The following SIRT3 variants were observed in gnomAD, a reference collection of about 807,000 sequenced individuals.
The protein encoded by SIRT3 is NAD-dependent protein deacetylase sirtuin-3, mitochondrial.
A neutral mutation model predicts 33.5 loss-of-function variants in SIRT3; 26 were observed. The ratio of observed to expected loss-of-function variants is 0.78; its 90% CI spans 0.57 to 1.08. The LOEUF (loss-of-function observed/expected upper bound fraction) is 1.08, where lower values mean the gene tolerates loss of function less well. Ranked by LOEUF, SIRT3 falls within the 50% of genes least tolerant of loss-of-function variation. SIRT3 has a pLI of 0.00. For synonymous variants in SIRT3, 237 were observed against 222.1 expected, an observed-to-expected ratio of 1.07 and a Z score of -0.60; for missense variants, 585 against 530.1, an observed-to-expected ratio of 1.10 and a Z score of -1.02.
chr11:228,514 C>A (rs4758629), intron 4 of SIRT3, among the ~76,000 whole-genome samples: 11,649 of 152,168 alleles, frequency 0.077, 961 homozygotes, highest in East Asian at 0.42. Context: ...AATGCCAAGA[C>A]CACAGTTTTT....
chr11:224,812 T>G (rs1215483019), intron 4 of SIRT3, among the ~76,000 whole-genome samples: 2 of 151,718 alleles, frequency 1.3e-5, no homozygotes, highest in Non-Finnish European at 2.9e-5. Context: ...AACTTCCCTT[T>G]GCGTCAAGAT....
At chr11:234,621 T>C (rs1486654328) in intron 1 of SIRT3, among the ~76,000 whole-genome samples, 1 of 152,084 alleles carries the variant, frequency 6.6e-6, no homozygotes, top group African/African-American at 2.4e-5. Context: ...TTCACTGTGT[T>C]AGCCAGGATG....
intron 4 of SIRT3, among the ~76,000 whole-genome samples, chr11:224,921 G>A (rs571374363): frequency 6.7e-6 from 1 of 148,834 alleles, no homozygotes; most frequent in South Asian, 2.1e-4. Flanking sequence ...AACGGGGCTT[G>A]TTTTAAGCAG....
chr11:235,539 G>C (rs1664512377), intron 1 of SIRT3, among the ~76,000 whole-genome samples: 1 of 152,188 alleles, frequency 6.6e-6, no homozygotes, highest in Non-Finnish European at 1.5e-5. Flanking sequence ...AGTTGTGTCA[G>C]ACAGCAAGTC....
chr11:228,172 G>A (rs1284923103), intron 4 of SIRT3, among the ~76,000 whole-genome samples: 1 of 152,098 alleles, frequency 6.6e-6, no homozygotes, highest in East Asian at 1.9e-4. Flanking sequence ...AGTAAAATTC[G>A]TATGGCACCC....
At chr11:227,174 T>TC (rs1357458442) in intron 4 of SIRT3, among the ~76,000 whole-genome samples, 1 of 151,716 alleles carries the variant, frequency 6.6e-6, no homozygotes, top group Non-Finnish European at 1.5e-5. Flanking sequence ...ACACGGTGGC[T>TC]CATGCCTGTC....
intron 4 of SIRT3, among the ~76,000 whole-genome samples, chr11:228,163 G>T (rs1857425520): frequency 6.6e-6 from 1 of 152,156 alleles, no homozygotes; most frequent in Admixed American, 6.6e-5. Context: ...CATATTTATA[G>T]TAAAATTCGT....
chr11:235,149 T>C (rs1021666956), intron 1 of SIRT3, among the ~76,000 whole-genome samples: 4 of 152,134 alleles, frequency 2.6e-5, no homozygotes, highest in African/African-American at 9.7e-5. Flanking sequence ...GTGCTGGGAT[T>C]ACAGGCGTGA....
intron 4 of SIRT3, chr11:225,731 G>T (rs1261018635): frequency 3.3e-5 from 5 of 152,250 alleles, no homozygotes; most frequent in Non-Finnish European, 7.3e-5. Context: ...GGAACAGCAG[G>T]AGAGAGAAGG....
At position 234,787 on chromosome 11, in the gene SIRT3, G is replaced by C. The variant is rs140103436; in HGVS notation, c.282-1253C>G. Among the ~76,000 whole-genome samples, 299 of 152,054 alleles carry C rather than the reference G, an allele frequency of 2.0e-3. 1 individual carries two copies. The highest frequency in any genetic ancestry group is 6.9e-3 in the African/African-American group (288 of 41,490). Reference sequence around the variant, plus strand: ...TGCGCTCCACGTGTTTGTAGGTCCTGGTCCCTGCTCCATCCATAGCACCTA... The same window carrying C: ...TGCGCTCCACGTGTTTGTAGGTCCTCGTCCCTGCTCCATCCATAGCACCTA... On this transcript the variant is annotated intron_variant, in intron 1 of 6. Transcript: ENST00000382743.
chr11:230,821 A>G, intron 3 of SIRT3: 1 of 289,802 alleles, frequency 3.5e-6, no homozygotes, highest in South Asian at 1.4e-4. Flanking sequence ...ATTTGATAAA[A>G]GCTCAAATAA....
At position 223,526 on chromosome 11, in the gene SIRT3, C is replaced by A; in HGVS notation, c.969+552G>T. On this transcript the variant is annotated intron_variant, in intron 5 of 6. Transcript: ENST00000382743. The surrounding 1 kb of genome is among the most constrained non-coding windows in gnomAD (Gnocchi z 4.8). ...CCAAGGGTGCAGCTACGTCCCCGGG[C>A]CAGTCCCTGTGGATTTATCACTCCT... 1 of 360,828 alleles carries A rather than the reference C, an allele frequency of 2.8e-6. No homozygotes were observed. The allele number at this position is 360,828 out of a possible 1,614,324, so 22.4% of individuals were successfully genotyped here.
At chr11:230,307 T>C (rs1284487644) in intron 4 of SIRT3, 145 bp downstream of exon 4, 2 of 426,130 alleles carry the variant, frequency 4.7e-6, no homozygotes, top group Admixed American at 4.4e-5. Context: ...TTTACAAGCA[T>C]GTATTGATTT....
Position 216,049 on chromosome 11 carries a change from G to T in SIRT3, c.*649C>A, listed in dbSNP as rs997039776. On this transcript the variant is annotated 3_prime_UTR_variant, in exon 7 of 7. Transcript: ENST00000382743. ...CTGGGCCGTCTCCAATAAATCCAGG[G>T]ACAAATGCCTTCAGTCCTCAGACTG... 2.6e-5 allele frequency: 4 copies of T among 152,686 alleles called. No individual in the cohort carries two copies. The highest frequency in any genetic ancestry group is 9.7e-5 in the African/African-American group (4 of 41,422). 9.5% of individuals were successfully genotyped at this position (152,686 alleles called of 1,614,324 possible).
At position 216,518 on chromosome 11, in the gene SIRT3, C is replaced by T. The variant is rs1429631047; in HGVS notation, c.*180G>A. The T allele has an allele frequency of 3.0e-6, 2 of 669,650 alleles. No individual in the cohort carries two copies. The highest frequency in any genetic ancestry group is 1.8e-5 in the African/African-American group (1 of 55,896). 41.5% of individuals were successfully genotyped at this position (669,650 alleles called of 1,614,324 possible). A position where few individuals can be genotyped will look rare whatever the true frequency, so the allele number is the denominator to read the frequency against. ...GGGGTGGCCCTGACTGTAAACACAG[C>T]CCTACCAGTCACTGCAGCTCATGGC... On this transcript the variant is annotated 3_prime_UTR_variant, in exon 7 of 7. Transcript: ENST00000382743.
chr11:230,524 A>G lies in SIRT3; in HGVS notation c.735T>C (p.Val245=). Residue 245 remains valine (V), a synonymous_variant, in exon 4 of 7, where the codon GTT becomes GTC. Transcript: ENST00000382743. ...RVSGIPASKL[V]EAHGTFASAT... is the part of the protein sequence containing the mutation. ...CAGAGGCAAAGGTTCCATGAGCTTC[A>G]ACCAGCTTTGAGGCAGGGATGCCCG... The G allele has an allele frequency of 6.5e-7, 1 of 1,537,764 alleles. No homozygotes were observed. Among genetic ancestry groups the G allele is most frequent in the East Asian group, 2.6e-5 (1 of 38,894 alleles).
At position 233,339 on chromosome 11, in the gene SIRT3, G is replaced by T; in HGVS notation, c.473+4C>A. The T allele has an allele frequency of 6.2e-7, 1 of 1,613,158 alleles. No individual in the cohort carries two copies. The highest frequency in any genetic ancestry group is 8.5e-7 in the Non-Finnish European group (1 of 1,179,460). ...CAGAAGGCAGGTGGGACTGTGGGCAGTACCTGAAGTCTGGAATGCCACTGG... is the reference window on the plus strand; with the variant it reads ...CAGAAGGCAGGTGGGACTGTGGGCATTACCTGAAGTCTGGAATGCCACTGG... On this transcript the variant is annotated splice_donor_region_variant and intron_variant, in intron 2 of 6. Transcript: ENST00000382743.
intron 1 of SIRT3, among the ~76,000 whole-genome samples, chr11:234,791 C>T (rs1308885131): frequency 6.6e-6 from 1 of 151,904 alleles, no homozygotes; most frequent in Non-Finnish European, 1.5e-5. Context: ...GGTCCTGGTC[C>T]CTGCTCCATC....
Position 220,301 on chromosome 11 carries a change from A to C in SIRT3, c.970-1260T>G, listed in dbSNP as rs1433290027. ...GCCGAGATCGCGCCACTGAACCTCC[A>C]GCCTGGGAGACAGAGCAAGACTCTG... On this transcript the variant is annotated intron_variant, in intron 5 of 6. Transcript: ENST00000382743. Among the ~76,000 whole-genome samples, 33 of 146,626 alleles carry C rather than the reference A, an allele frequency of 2.3e-4. No individual in the cohort carries two copies. In the South Asian group the frequency reaches 7.0e-3, roughly 31 times the overall value.
Sources: allele counts gnomAD v4.1 joint callset (sites outside exome capture counted in the v4.1 genomes callset), GRCh38; gene constraint gnomAD v4.1.1; non-coding constraint Gnocchi (gnomAD v3.1); transcripts MANE v1.5; gene names NCBI Gene and HGNC (gene_info 2026-07-23, HGNC 2026-07-21).